The following CSRNP3 variants were observed in gnomAD, a reference collection of about 807,000 sequenced individuals.
CSRNP3 encodes cysteine/serine-rich nuclear protein 3.
In CSRNP3, 12 loss-of-function variants were observed where a neutral mutation model predicts 48.0. The observed-to-expected ratio is 0.25, with a 90% CI of 0.16 to 0.41. The LOEUF is 0.41. Among genes scored for constraint, CSRNP3 ranks in the 10% least tolerant of loss-of-function variants. The pLI is 1.00. For synonymous variants in CSRNP3, 263 were observed against 269.7 expected (o/e 0.98, Z 0.24); for missense variants, 580 against 724.4 (o/e 0.80, Z 2.29).
intron 3 of CSRNP3, among the ~76,000 whole-genome samples, chr2:165,556,454 A>C (rs144084782): frequency 4.7e-4 from 72 of 152,298 alleles, no homozygotes; most frequent in African/African-American, 1.7e-3. Flanking sequence ...AGAATGGATT[A>C]GATTGCCAAG....
intron 1 of CSRNP3, among the ~76,000 whole-genome samples, chr2:165,492,338 A>C (rs993961369): frequency 1.3e-5 from 2 of 152,140 alleles, no homozygotes; most frequent in African/African-American, 2.4e-5. Context: ...CTTTCATCTC[A>C]CTTAGAGAAA....
chr2:165,617,443 C>T lies in CSRNP3; in HGVS notation c.148+22230C>T, dbSNP rs972928671. On this transcript the variant is annotated intron_variant, in intron 4 of 6. Coordinates refer to ENST00000651982, the MANE Select transcript of CSRNP3 (RefSeq NM_001172173.2). ...CTGTAGTCAGTATCAGTAATGTCTA[C>T]GTTCCTCAGTGGCTTAGGCAGCAGT... is the stretch of plus-strand genomic sequence containing the variant. Among the ~76,000 whole-genome samples the T allele has an allele frequency of 5.3e-5, 8 of 152,256 alleles. No individual in the cohort carries two copies. The East Asian group carries it at 1.2e-3, about 22-fold the overall frequency.
chr2:165,603,077 A>G (rs915703495), intron 4 of CSRNP3, among the ~76,000 whole-genome samples: 1 of 151,638 alleles, frequency 6.6e-6, no homozygotes, highest in Non-Finnish European at 1.5e-5. Flanking sequence ...TTGTAGTTTT[A>G]GTAGAGACGG....
At chr2:165,643,062 T>A (rs982103402) in intron 4 of CSRNP3, among the ~76,000 whole-genome samples, 2 of 152,186 alleles carry the variant, frequency 1.3e-5, no homozygotes, top group Admixed American at 6.5e-5. Context: ...AACATAAAAC[T>A]GCTAGATGAT....
intron 1 of CSRNP3, among the ~76,000 whole-genome samples, chr2:165,480,500 G>A (rs1684026121): frequency 6.6e-6 from 1 of 152,032 alleles, no homozygotes; most frequent in Non-Finnish European, 1.5e-5. Context: ...CACATAGTAA[G>A]CACTATATGT....
intron 2 of CSRNP3, among the ~76,000 whole-genome samples, chr2:165,501,497 T>C (rs1684358829): frequency 1.3e-5 from 2 of 152,162 alleles, no homozygotes; most frequent in African/African-American, 2.4e-5. Context: ...TATTTTAAGC[T>C]CCTTGATGGC....
chr2:165,599,375 T>G (rs202147888), intron 4 of CSRNP3, among the ~76,000 whole-genome samples: 1 of 150,818 alleles, frequency 6.6e-6, no homozygotes, highest in African/African-American at 2.4e-5. Flanking sequence ...TCTGAGGTTT[T>G]TTTGTTTGTT....
intron 4 of CSRNP3, among the ~76,000 whole-genome samples, chr2:165,599,338 A>AGAAAGGAAAAG (rs1558946159): frequency 6.7e-5 from 10 of 150,056 alleles, no homozygotes; most frequent in African/African-American, 1.7e-4. Context: ...AGGAAAAGAA[A>AGAAAGGAAAAG]AAAAGAAAGA....
intron 1 of CSRNP3, among the ~76,000 whole-genome samples, chr2:165,477,341 G>A (rs983336809): frequency 6.6e-5 from 10 of 151,042 alleles, no homozygotes; most frequent in South Asian, 6.3e-4. Flanking sequence ...ATTGTAGGCC[G>A]GGTGCAGTGG....
chr2:165,583,082 A>G (rs1685573368), intron 3 of CSRNP3, among the ~76,000 whole-genome samples: 1 of 152,192 alleles, frequency 6.6e-6, no homozygotes, highest in African/African-American at 2.4e-5. Context: ...CATTTTTCAC[A>G]TTGGTAGTGC....
chr2:165,583,709 TTCCCC>T (rs1685583219), intron 3 of CSRNP3, among the ~76,000 whole-genome samples: 1 of 152,216 alleles, frequency 6.6e-6, no homozygotes, highest in African/African-American at 2.4e-5. Flanking sequence ...TGCCTTGCAC[TTCCCC>T]GGTCTTCATG....
At chr2:165,608,533 G>A (rs1170124812) in intron 4 of CSRNP3, among the ~76,000 whole-genome samples, 2 of 152,130 alleles carry the variant, frequency 1.3e-5, no homozygotes, top group Admixed American at 6.5e-5. Context: ...CTGATATCAC[G>A]AAATGTTATT....
chr2:165,551,823 G>T (rs1241715557), intron 3 of CSRNP3, among the ~76,000 whole-genome samples: 2 of 151,994 alleles, frequency 1.3e-5, no homozygotes, highest in Non-Finnish European at 2.9e-5. Flanking sequence ...ACACATTTAG[G>T]CTGTGATGTC....
intron 3 of CSRNP3, among the ~76,000 whole-genome samples, chr2:165,593,543 T>C (rs1685758416): frequency 6.6e-6 from 1 of 152,164 alleles, no homozygotes; most frequent in Non-Finnish European, 1.5e-5. Flanking sequence ...GACTTAGACC[T>C]TCCTTGGAGA....
rs551708219 is a variant in CSRNP3 at position 165,586,063 on chromosome 2, T to G, written c.-23-8980T>G. On this transcript the variant is annotated intron_variant, in intron 3 of 6. Coordinates refer to ENST00000651982, the MANE Select transcript of CSRNP3 (RefSeq NM_001172173.2). ...TTTCATTTTCCGGCCAGGAAAGAAATAACATCTCATTAAAGTGAACATCTC... is the reference window on the plus strand; with the variant it reads ...TTTCATTTTCCGGCCAGGAAAGAAAGAACATCTCATTAAAGTGAACATCTC... Among the ~76,000 whole-genome samples the G allele has an allele frequency of 2.0e-5, 3 of 152,206 alleles. No homozygotes were observed. In the East Asian group the frequency reaches 5.8e-4, roughly 29 times the overall value.
intron 3 of CSRNP3, among the ~76,000 whole-genome samples, chr2:165,549,680 A>G (rs1218875885): frequency 1.3e-5 from 2 of 152,188 alleles, no homozygotes; most frequent in African/African-American, 4.8e-5. Flanking sequence ...GGTGGAAAAT[A>G]TGACACAATG....
rs73969261 is a variant in CSRNP3 at position 165,506,678 on chromosome 2, T to C, written c.-112-11195T>C. Among the ~76,000 whole-genome samples, 205 of 152,188 alleles carry C rather than the reference T, an allele frequency of 1.3e-3. 1 individual carries two copies. The highest frequency in any genetic ancestry group is 4.7e-3 in the African/African-American group (196 of 41,516). On this transcript the variant is annotated intron_variant, in intron 2 of 6. Transcript: ENST00000651982. ...TTTCTTTTTCCTTTTTTATTTGGGG[T>C]CTCAGCTCCCTCAAAACCATTGTAA...
chr2:165,613,725 A>G (rs773278070), intron 4 of CSRNP3, among the ~76,000 whole-genome samples: 4 of 151,856 alleles, frequency 2.6e-5, no homozygotes, highest in African/African-American at 7.3e-5. Flanking sequence ...ATGGATTTCT[A>G]TTTGGGTCTT....
intron 1 of CSRNP3, among the ~76,000 whole-genome samples, chr2:165,475,570 A>G (rs998760197): frequency 9.2e-5 from 14 of 152,178 alleles, no homozygotes; most frequent in South Asian, 2.1e-4. Flanking sequence ...AGTTTCCTTC[A>G]TCTCTGCATC....
Sources: gnomAD v4.1 joint callset for allele counts (sites outside exome capture counted in the v4.1 genomes callset) on GRCh38, gnomAD v4.1.1 for gene constraint, MANE v1.5 for transcripts, NCBI Gene and HGNC (gene_info 2026-07-23, HGNC 2026-07-21) for gene names.